The following SOS2 variants were observed in gnomAD, a reference collection of about 807,000 sequenced individuals.
The protein encoded by SOS2 is son of sevenless homolog 2.
Under a neutral mutation model 148.2 loss-of-function variants are expected in SOS2, and 65 were observed. The ratio of observed to expected loss-of-function variants is 0.44; its 90% CI spans 0.36 to 0.54. The LOEUF (loss-of-function observed/expected upper bound fraction) is 0.54, where lower values mean the gene tolerates loss of function less well. Ranked by LOEUF, SOS2 falls within the 20% of genes least tolerant of loss-of-function variation. SOS2 has a pLI of 0.00. For missense variants in SOS2, 1,341 were observed against 1,590.2 expected (o/e 0.84, Z 2.67); for synonymous variants, 539 against 537.1 (o/e 1.00, Z -0.05).
At chr14:50,157,273 C>G in intron 11 of SOS2, 152 bp from the exon 12 acceptor site, 3 of 757,274 alleles carry the variant, frequency 4.0e-6, no homozygotes, top group South Asian at 5.0e-5. Flanking sequence ...AAAAACTGTC[C>G]TTTGGCTATA....
intron 4 of SOS2, among the ~76,000 whole-genome samples, chr14:50,189,330 G>A (rs865975225): frequency 0.012 from 41 of 3,562 alleles, no homozygotes; most frequent in East Asian, 0.025. Context: ...ACACATAATA[G>A]CAAAAAAAAA....
At chr14:50,128,270 C>CTGG (rs1883747511) in intron 21 of SOS2, among the ~76,000 whole-genome samples, 1 of 151,442 alleles carries the variant, frequency 6.6e-6, no homozygotes, top group South Asian at 2.1e-4. Flanking sequence ...GACAAAAAGG[C>CTGG]ACCAGGAAGG....
chr14:50,205,176 A>G (rs1886619720), intron 1 of SOS2, among the ~76,000 whole-genome samples: 1 of 152,068 alleles, frequency 6.6e-6, no homozygotes, highest in African/African-American at 2.4e-5. Context: ...CAGTCTCCCA[A>G]GTAGCTGGCA....
At chr14:50,120,846 T>G (rs1317111393) in intron 21 of SOS2, among the ~76,000 whole-genome samples, 1 of 149,650 alleles carries the variant, frequency 6.7e-6, no homozygotes, top group East Asian at 2.0e-4. Context: ...TTCAAGCAAT[T>G]CTCCTGCCTC....
intron 12 of SOS2, chr14:50,156,248 A>G (rs1884814064): frequency 6.9e-6 from 1 of 144,544 alleles, no homozygotes; most frequent in African/African-American, 2.5e-5. Context: ...TTCAATGCTT[A>G]GTGGTACGTA....
chr14:50,174,543 C>A lies in SOS2; in HGVS notation c.979G>T (p.Asp327Tyr). The A allele has an allele frequency of 6.2e-7, 1 of 1,604,360 alleles. No individual in the cohort carries two copies. The highest frequency in any genetic ancestry group is 8.5e-7 in the Non-Finnish European group (1 of 1,172,946). The change falls in exon 8 of 23, where the codon GAT becomes TAT. Residue 327 changes from aspartate (D) to tyrosine (Y), a missense_variant. Transcript: ENST00000216373. The part of the protein sequence containing the change: ...AVALHFQSIA[D>Y]GFKEAVRYVL... ...TAACGAACTGCCTCTTTAAAACCAT[C>A]AGCAATGGACTGCAAAGCAAAAAGA...
intron 21 of SOS2, among the ~76,000 whole-genome samples, chr14:50,122,193 GA>G (rs1481227686): frequency 1.3e-5 from 2 of 152,096 alleles, no homozygotes; most frequent in East Asian, 1.9e-4. Flanking sequence ...GGGGCTAATG[GA>G]AAGGAAGTTC....
chr14:50,201,245 A>C (rs1205860648), intron 2 of SOS2, among the ~76,000 whole-genome samples, 161 bp from the exon 3 acceptor site: 2 of 152,170 alleles, frequency 1.3e-5, no homozygotes, highest in African/African-American at 4.8e-5. Flanking sequence ...CTTAAAAAAA[A>C]GGTCAGGCTG....
intron 13 of SOS2, among the ~76,000 whole-genome samples, chr14:50,150,704 C>T (rs1310726320): frequency 6.6e-6 from 1 of 151,678 alleles, no homozygotes; most frequent in Admixed American, 6.6e-5. Context: ...TGGGACTGCA[C>T]ATATCACCAC....
At position 50,138,677 on chromosome 14, in the gene SOS2, T is replaced by G; in HGVS notation, c.2893A>C (p.Ile965Leu). The change falls in exon 18 of 23, where the codon ATT becomes CTT. Residue 965 changes from isoleucine (I) to leucine (L), a missense_variant. Around this residue, in one of 4 missense-constraint regions of SOS2, gnomAD observed 408 missense variants for 506.6 expected, o/e 0.81. Transcript: ENST00000216373. ...TGATACTGCTGAATTTCTCCAGTAATTTCAGCTACTTTCCTCCTCTTACTG... is the reference window on the plus strand; with the variant it reads ...TGATACTGCTGAATTTCTCCAGTAAGTTCAGCTACTTTCCTCCTCTTACTG... ...NFSKRRKVAE[I>L]TGEIQQYQNQ... 6.4e-7 allele frequency: 1 copy of G among 1,567,104 alleles called. No homozygotes were observed. The highest frequency in any genetic ancestry group is 1.2e-5 in the South Asian group (1 of 86,342).
intron 4 of SOS2, among the ~76,000 whole-genome samples, chr14:50,189,781 GGTCAACCAACAGGCAAGAACTA>G (rs1886063328): frequency 6.6e-6 from 1 of 152,082 alleles, no homozygotes; most frequent in South Asian, 2.1e-4. Context: ...CATGGACTTA[GGTCAACCAACAGGCAAGAACTA>G]GCTATAAATC....
intron 2 of SOS2, among the ~76,000 whole-genome samples, chr14:50,201,649 C>T (rs985740629): frequency 6.6e-6 from 1 of 151,152 alleles, no homozygotes; most frequent in African/African-American, 2.4e-5. Context: ...TAAGATGAAC[C>T]GGAAAAAGGA....
At chr14:50,157,853 A>G (rs1884868179) in intron 11 of SOS2, among the ~76,000 whole-genome samples, 1 of 152,172 alleles carries the variant, frequency 6.6e-6, no homozygotes, top group Non-Finnish European at 1.5e-5. Flanking sequence ...AAAACATTTA[A>G]AATGCCACTA....
At chr14:50,134,569 A>G (rs1390572246) in intron 18 of SOS2, among the ~76,000 whole-genome samples, 1 of 152,176 alleles carries the variant, frequency 6.6e-6, no homozygotes, top group African/African-American at 2.4e-5. Context: ...ATTGTAACAA[A>G]TGATCATCAC....
intron 9 of SOS2, among the ~76,000 whole-genome samples, chr14:50,160,566 T>C (rs181261019): frequency 2.6e-5 from 4 of 152,108 alleles, no homozygotes; most frequent in Non-Finnish European, 5.9e-5. Flanking sequence ...TTTGTATTTT[T>C]AGTAGAGATG....
chr14:50,189,323 C>A, intron 4 of SOS2, among the ~76,000 whole-genome samples: 1 of 11,396 alleles, frequency 8.8e-5, no homozygotes, highest in Non-Finnish European at 2.1e-4. Context: ...CACACACACA[C>A]ATAATAGCAA....
Position 50,157,449 on chromosome 14 carries a change from T to G in SOS2, c.1935-328A>C, listed in dbSNP as rs73283482. ...CTAACAATGTCTTTAATATTTATAT[T>G]ATTAAAATGAAAGTAGGCTAATAAA... On this transcript the variant is annotated intron_variant, in intron 11 of 22. Coordinates refer to ENST00000216373, the MANE Select transcript of SOS2 (RefSeq NM_006939.4). 9.1e-3 allele frequency among the ~76,000 whole-genome samples: 1,388 copies of G among 152,276 alleles called. 18 individuals carry two copies. The highest frequency in any genetic ancestry group is 0.032 in the African/African-American group (1,324 of 41,554).
chr14:50,219,053 C>T lies in SOS2; in HGVS notation c.87+12144G>A, dbSNP rs572884027. Among the ~76,000 whole-genome samples, 34 of 151,654 alleles carry T rather than the reference C, an allele frequency of 2.2e-4. No homozygotes were observed. In the East Asian group the frequency reaches 6.6e-3, roughly 29 times the overall value. The stretch of plus-strand genomic sequence containing the variant: ...ACTTGAACCCGGGAAGCGGAGGTTG[C>T]TGTGAGTCAGGATTACACCACTGCT... On this transcript the variant is annotated intron_variant, in intron 1 of 22. Coordinates refer to ENST00000216373, the MANE Select transcript of SOS2 (RefSeq NM_006939.4).
At chr14:50,214,042 G>A (rs1195404159) in intron 1 of SOS2, among the ~76,000 whole-genome samples, 1 of 152,066 alleles carries the variant, frequency 6.6e-6, no homozygotes, top group Non-Finnish European at 1.5e-5. Flanking sequence ...AAATCACTTT[G>A]AAAAGTTAAA....
Sources: allele counts gnomAD v4.1 joint callset (sites outside exome capture counted in the v4.1 genomes callset), GRCh38; gene constraint gnomAD v4.1.1; regional missense constraint gnomAD v4.1.1; transcripts MANE v1.5; gene names NCBI Gene and HGNC (gene_info 2026-07-23, HGNC 2026-07-21).